The following IMMP2L variants were observed in gnomAD, a reference collection of about 807,000 sequenced individuals.
IMMP2L encodes mitochondrial inner membrane protease subunit 2.
In IMMP2L, 18 loss-of-function variants were observed where a neutral mutation model predicts 19.3. The ratio of observed to expected loss-of-function variants is 0.93; its 90% CI spans 0.64 to 1.38. IMMP2L has a LOEUF of 1.38. Ranked by LOEUF, IMMP2L falls within the 40% of genes most tolerant of loss-of-function variation. IMMP2L has a pLI of 0.00. For missense variants in IMMP2L, 233 were observed against 218.2 expected (o/e 1.07, Z -0.43); for synonymous variants, 76 against 73.0 (o/e 1.04, Z -0.21).
intron 3 of IMMP2L, chr7:111,124,563 C>T: frequency 6.2e-7 from 1 of 1,613,492 alleles, no homozygotes; most frequent in Non-Finnish European, 8.5e-7. Flanking sequence ...ATATTCCCAC[C>T]ATCTATCAGA....
intron 3 of IMMP2L, among the ~76,000 whole-genome samples, chr7:110,993,740 C>T (rs547010758): frequency 1.3e-5 from 2 of 152,122 alleles, no homozygotes; most frequent in Admixed American, 6.6e-5. Context: ...CCAAATAATT[C>T]ACCTCTCTCC....
chr7:110,902,339 T>A (rs1811960321), intron 4 of IMMP2L, among the ~76,000 whole-genome samples: 1 of 151,456 alleles, frequency 6.6e-6, no homozygotes, highest in Admixed American at 6.6e-5. Flanking sequence ...CAAAAAACAG[T>A]AATTAAACCC....
chr7:110,993,993 G>C (rs940791084), intron 3 of IMMP2L, among the ~76,000 whole-genome samples: 1 of 151,618 alleles, frequency 6.6e-6, no homozygotes, highest in African/African-American at 2.4e-5. Context: ...TTCCATGTTA[G>C]AACGTATCTT....
At chr7:111,329,695 T>G (rs1012153053) in intron 3 of IMMP2L, among the ~76,000 whole-genome samples, 3 of 151,748 alleles carry the variant, frequency 2.0e-5, no homozygotes, top group African/African-American at 7.3e-5. Flanking sequence ...CTTTGGAAAC[T>G]ATACATTAGA....
At chr7:111,551,352 C>T (rs1361667407) in intron 1 of IMMP2L, among the ~76,000 whole-genome samples, 1 of 152,066 alleles carries the variant, frequency 6.6e-6, no homozygotes, top group African/African-American at 2.4e-5. Flanking sequence ...TCTAAGAAGT[C>T]AAGAACATAC....
chr7:111,554,019 G>GT (rs1473576639), intron 1 of IMMP2L, among the ~76,000 whole-genome samples: 2 of 152,092 alleles, frequency 1.3e-5, no homozygotes, highest in African/African-American at 4.8e-5. Context: ...CTAAGGATAC[G>GT]TAACTATTAA....
intron 3 of IMMP2L, among the ~76,000 whole-genome samples, chr7:110,992,964 A>G (rs1430508565): frequency 3.3e-5 from 5 of 152,176 alleles, no homozygotes; most frequent in Non-Finnish European, 7.4e-5. Flanking sequence ...CATTGCATCA[A>G]AAGAGGTACA....
intron 4 of IMMP2L, among the ~76,000 whole-genome samples, chr7:110,889,508 G>C (rs1040017917): frequency 6.6e-6 from 1 of 152,108 alleles, no homozygotes. Flanking sequence ...ACGAGGCGGG[G>C]CTCAGGCAGT....
At chr7:111,327,293 T>C (rs984322329) in intron 3 of IMMP2L, among the ~76,000 whole-genome samples, 1 of 151,804 alleles carries the variant, frequency 6.6e-6, no homozygotes, top group African/African-American at 2.4e-5. Context: ...AGCAAGATAA[T>C]AATTCTTAAA....
At chr7:111,259,419 G>A (rs558038117) in intron 3 of IMMP2L, among the ~76,000 whole-genome samples, 3 of 152,250 alleles carry the variant, frequency 2.0e-5, no homozygotes, top group South Asian at 2.1e-4. Flanking sequence ...AGGATCACTC[G>A]AGGCCAGGAA....
intron 3 of IMMP2L, among the ~76,000 whole-genome samples, chr7:111,466,646 T>C (rs1204827884): frequency 6.6e-6 from 1 of 152,120 alleles, no homozygotes; most frequent in African/African-American, 2.4e-5. Flanking sequence ...CAGAAATAAC[T>C]AGATCTCAAG....
At chr7:111,095,503 A>T (rs1212089801) in intron 3 of IMMP2L, among the ~76,000 whole-genome samples, 1 of 152,078 alleles carries the variant, frequency 6.6e-6, no homozygotes, top group African/African-American at 2.4e-5. Flanking sequence ...AAAAGCCAAT[A>T]TTCAATAATA....
intron 3 of IMMP2L, among the ~76,000 whole-genome samples, chr7:111,093,070 A>T (rs1419285607): frequency 1.3e-5 from 2 of 152,252 alleles, no homozygotes; most frequent in Non-Finnish European, 2.9e-5. Flanking sequence ...AGTTTACAAC[A>T]TGTAATATAA....
At chr7:110,695,432 T>A (rs1358042221) in intron 5 of IMMP2L, among the ~76,000 whole-genome samples, 7 of 151,984 alleles carry the variant, frequency 4.6e-5, no homozygotes, top group African/African-American at 1.7e-4. Flanking sequence ...GCTCAAGCAA[T>A]CCTCCCACCT....
At chr7:111,313,320 C>G (rs1335230788) in intron 3 of IMMP2L, among the ~76,000 whole-genome samples, 1 of 152,078 alleles carries the variant, frequency 6.6e-6, no homozygotes, top group Non-Finnish European at 1.5e-5. Context: ...TAATAGAAAA[C>G]TTGCTAGCAA....
chr7:111,558,405 G>A (rs779872154), intron 1 of IMMP2L, among the ~76,000 whole-genome samples: 4 of 152,142 alleles, frequency 2.6e-5, no homozygotes, highest in Admixed American at 2.6e-4. Flanking sequence ...AGGACTTTGA[G>A]GAAAAATGAA....
At chr7:111,204,085 T>C (rs145092958) in intron 3 of IMMP2L, among the ~76,000 whole-genome samples, 2 of 152,204 alleles carry the variant, frequency 1.3e-5, no homozygotes, top group South Asian at 2.1e-4. Context: ...TTACCTTTTA[T>C]AGTATCTACA....
intron 5 of IMMP2L, among the ~76,000 whole-genome samples, chr7:110,721,660 G>C (rs551627447): frequency 6.6e-6 from 1 of 151,986 alleles, no homozygotes; most frequent in Non-Finnish European, 1.5e-5. Flanking sequence ...AGAACTATCA[G>C]TATAACCATT....
chr7:111,230,848 G>T (rs567662805), intron 3 of IMMP2L, among the ~76,000 whole-genome samples: 1 of 152,072 alleles, frequency 6.6e-6, no homozygotes, highest in African/African-American at 2.4e-5. Context: ...TTGTAACAAA[G>T]GTACATGTCT....
Sources: allele counts gnomAD v4.1 joint callset (sites outside exome capture counted in the v4.1 genomes callset), GRCh38; gene constraint gnomAD v4.1.1; transcripts MANE v1.5; gene names NCBI Gene and HGNC (gene_info 2026-07-23, HGNC 2026-07-21).